Variants in ATP2C1 observed in about 807,000 individuals in gnomAD.
The protein encoded by ATP2C1 is ATPase secretory pathway Ca2+ transporting 1.
Under a neutral mutation model 120.5 loss-of-function variants are expected in ATP2C1, and 31 were observed. The observed-to-expected ratio is 0.26, with a 90% CI of 0.19 to 0.35. ATP2C1 has a LOEUF of 0.35. Among genes scored for constraint, ATP2C1 ranks in the 10% least tolerant of loss-of-function variants. The pLI, the probability that ATP2C1 is intolerant of heterozygous loss-of-function variation, is 1.00. For missense variants in ATP2C1, 731 were observed against 1,107.5 expected, an observed-to-expected ratio of 0.66 and a Z score of 4.83; for synonymous variants, 351 against 358.7, an observed-to-expected ratio of 0.98 and a Z score of 0.24.
At chr3:130,981,674 C>T (rs1320140818) in intron 20 of ATP2C1, among the ~76,000 whole-genome samples, 3 of 152,170 alleles carry the variant, frequency 2.0e-5, no homozygotes, top group African/African-American at 7.2e-5. Flanking sequence ...GCAACCCCAC[C>T]AGCAGTGCCT....
intron 8 of ATP2C1, among the ~76,000 whole-genome samples, chr3:130,951,443 T>C (rs887170737): frequency 1.1e-4 from 16 of 152,274 alleles, no homozygotes; most frequent in African/African-American, 3.6e-4. Flanking sequence ...AGCATAGATA[T>C]GTAGCATAGT....
At chr3:130,921,889 A>G (rs940379028) in intron 2 of ATP2C1, among the ~76,000 whole-genome samples, 8 of 152,118 alleles carry the variant, frequency 5.3e-5, no homozygotes, top group Non-Finnish European at 1.2e-4. Flanking sequence ...GAAGTTTTGC[A>G]TCTATATTTA....
chr3:130,959,379 CTCTTT>C (rs1559976046), intron 12 of ATP2C1, 38 bp downstream of exon 12: 1 of 1,417,590 alleles, frequency 7.1e-7, no homozygotes, highest in Admixed American at 1.7e-5. Flanking sequence ...TCTCTTTTGC[CTCTTT>C]TATTTCTCTA....
intron 18 of ATP2C1, 142 bp from the exon 19 acceptor site, chr3:130,979,107 T>A (rs1168848015): frequency 3.5e-5 from 28 of 790,726 alleles, no homozygotes; most frequent in Non-Finnish European, 4.1e-5. Flanking sequence ...TGGTCTGTAA[T>A]CATTTTGATT....
intron 1 of ATP2C1, among the ~76,000 whole-genome samples, chr3:130,877,135 T>A (rs1037856222): frequency 7.2e-5 from 11 of 152,308 alleles, no homozygotes; most frequent in Non-Finnish European, 1.5e-4. Flanking sequence ...CTGATATAAG[T>A]ATAGCTACTC....
intron 24 of ATP2C1, among the ~76,000 whole-genome samples, chr3:130,997,183 C>T (rs995960395): frequency 1.3e-5 from 2 of 152,076 alleles, no homozygotes; most frequent in Non-Finnish European, 2.9e-5. Flanking sequence ...ACCTGAGTGT[C>T]ATAACTTTTT....
In ATP2C1 at chr3:130,997,459, G is replaced by A. The variant is rs923399884; in HGVS notation, c.2244-147G>A. ...TGACAAAATCAGTGGTTATTTTTGC[G>A]TAATCAGCCAGCGTTTTATGATGCA... On this transcript the variant is annotated intron_variant, in intron 24 of 27. Coordinates refer to ENST00000510168, the MANE Select transcript of ATP2C1 (RefSeq NM_001378687.1). The A allele has an allele frequency of 4.7e-5, 33 of 707,518 alleles. No homozygotes were observed. The Admixed American group carries it at 6.0e-4, about 13-fold the overall frequency. The allele number at this position is 707,518 out of a possible 1,614,324, so 43.8% of individuals were successfully genotyped here. A position where few individuals can be genotyped will look rare whatever the true frequency, so the allele number is the denominator to read the frequency against.
chr3:130,927,185 A>T (rs2059247536), intron 2 of ATP2C1, among the ~76,000 whole-genome samples: 1 of 152,002 alleles, frequency 6.6e-6, no homozygotes, highest in African/African-American at 2.4e-5. Flanking sequence ...ACCTACATAT[A>T]CTAACTGGTA....
chr3:130,937,598 T>C (rs1176830336), intron 6 of ATP2C1, 135 bp downstream of exon 6: 5 of 767,002 alleles, frequency 6.5e-6, no homozygotes, highest in East Asian at 2.6e-5. Flanking sequence ...TTTCAAGTAA[T>C]TTCAGATACA....
chr3:130,894,321 G>A lies in ATP2C1; in HGVS notation c.-197G>A, dbSNP rs940799158. ...CTGAGACCCCGCAGCCTGGAGGAGG[G>A]CTGTCCGGGGCTTTGGGTGGGTACC... is the stretch of plus-strand genomic sequence containing the variant. On this transcript the variant is annotated 5_prime_UTR_variant, in exon 1 of 28. Coordinates refer to ENST00000510168, the MANE Select transcript of ATP2C1 (RefSeq NM_001378687.1). This position sits in a 1 kb window ranked among gnomAD's most constrained non-coding sequence, Gnocchi z 4.5. The A allele has an allele frequency of 3.0e-5, 30 of 991,606 alleles. No individual in the cohort carries two copies. In the African/African-American group the frequency reaches 4.2e-4, roughly 14 times the overall value. The allele number at this position is 991,606 out of a possible 1,614,324, so 61.4% of individuals were successfully genotyped here. A position where few individuals can be genotyped will look rare whatever the true frequency, so the allele number is the denominator to read the frequency against.
intron 26 of ATP2C1, among the ~76,000 whole-genome samples, chr3:131,013,399 AGGG>A (rs2063416116): frequency 1.3e-5 from 2 of 152,228 alleles, no homozygotes; most frequent in South Asian, 4.1e-4. Context: ...TAGTATAAAG[AGGG>A]CATAGGGTCT....
At chr3:130,868,599 C>A (rs1576549311) in intron 1 of ATP2C1, 1 of 54,644 alleles carries the variant, frequency 1.8e-5, no homozygotes, top group African/African-American at 6.8e-5. Flanking sequence ...AGGTGAGGGG[C>A]GCCTCTGCCC....
upstream of ATP2C1, among the ~76,000 whole-genome samples, chr3:130,889,366 T>G (rs530405668): frequency 5.3e-5 from 8 of 152,208 alleles, no homozygotes; most frequent in Non-Finnish European, 1.2e-4. Flanking sequence ...TGTACAATGC[T>G]TTTTGTCAGG....
chr3:130,974,841 G>A (rs1253572700), intron 17 of ATP2C1, among the ~76,000 whole-genome samples: 2 of 152,068 alleles, frequency 1.3e-5, no homozygotes, highest in Non-Finnish European at 2.9e-5. Context: ...GGTGAGAAGC[G>A]TTGAACAGGA....
At chr3:130,899,512 G>GTT (rs2069954169) in intron 2 of ATP2C1, 1 of 152,234 alleles carries the variant, frequency 6.6e-6, no homozygotes, top group Non-Finnish European at 1.5e-5. Flanking sequence ...CTGAAGAAAA[G>GTT]GAGGGGTTGG....
Position 130,869,095 on chromosome 3 carries a change from G to A in ATP2C1, c.108+18167G>A, listed in dbSNP as rs529624632. ...GTTCTGTACTAAGAAAAATTCTTCT[G>A]CCTTGGGATCCTGTTGATCTGTGAC... On this transcript the variant is annotated intron_variant, in intron 1 of 26. Coordinates refer to the ATP2C1 transcript ENST00000504381. 1,067 of 162,060 alleles carry A rather than the reference G, an allele frequency of 6.6e-3. 22 individuals are homozygous for A. Among genetic ancestry groups the A allele is most frequent in the African/African-American group, 0.027 (1,012 of 38,052 alleles). 10.0% of individuals were successfully genotyped at this position (162,060 alleles called of 1,614,324 possible). A position where few individuals can be genotyped will look rare whatever the true frequency, so the allele number is the denominator to read the frequency against.
At chr3:130,869,688 T>G (rs2068366317) in intron 1 of ATP2C1, among the ~76,000 whole-genome samples, 1 of 152,220 alleles carries the variant, frequency 6.6e-6, no homozygotes, top group African/African-American at 2.4e-5. Context: ...TACCATTCCT[T>G]TAGGCCAAAG....
At chr3:130,946,181 GGATTAT>G (rs2060145833) in intron 8 of ATP2C1, among the ~76,000 whole-genome samples, 1 of 152,072 alleles carries the variant, frequency 6.6e-6, no homozygotes, top group Admixed American at 6.6e-5. Context: ...TTATGATACT[GGATTAT>G]CAGACCATTT....
At chr3:130,938,105 A>G (rs2108418880) in intron 6 of ATP2C1, among the ~76,000 whole-genome samples, 2 of 152,346 alleles carry the variant, frequency 1.3e-5, no homozygotes, top group Non-Finnish European at 2.9e-5. Flanking sequence ...TGTGATCTGA[A>G]TCAAAGTAAT....
Sources: gnomAD v4.1 joint callset for allele counts (sites outside exome capture counted in the v4.1 genomes callset) on GRCh38, gnomAD v4.1.1 for gene constraint, Gnocchi (gnomAD v3.1) non-coding constraint, MANE v1.5 for transcripts, NCBI Gene and HGNC (gene_info 2026-07-23, HGNC 2026-07-21) for gene names.